POLR2M: variants seen among roughly 807,000 people sequenced by gnomAD.
POLR2M encodes RNA polymerase II subunit M.
In POLR2M, 30 loss-of-function variants were observed where a neutral mutation model predicts 34.6. That is an observed-to-expected ratio of 0.87 (90% confidence interval 0.65 to 1.18). The LOEUF is 1.18. Ranked by LOEUF, POLR2M falls within the 50% of genes most tolerant of loss-of-function variation. The probability of loss-of-function intolerance (pLI) is 0.00; values close to 1 mark genes in which losing one functional copy is unlikely to be tolerated. For missense variants in POLR2M, 432 were observed against 448.7 expected, an observed-to-expected ratio of 0.96 and a Z score of 0.34; for synonymous variants, 150 against 166.7, an observed-to-expected ratio of 0.90 and a Z score of 0.77.
intron 1 of POLR2M, 39 bp from the exon 2 acceptor site, chr15:57,708,675 A>T: frequency 6.7e-7 from 1 of 1,497,382 alleles, no homozygotes; most frequent in Non-Finnish European, 8.9e-7. Flanking sequence ...AAGTTAAAAA[A>T]ATGGCTGTAA....
Position 57,706,759 on chromosome 15 carries a change from C to G in POLR2M, c.-84C>G. 2 of 1,475,272 alleles carry G rather than the reference C, an allele frequency of 1.4e-6. No individual in the cohort carries two copies. The highest frequency in any genetic ancestry group is 1.4e-5 in the African/African-American group (1 of 71,144). 91.4% of individuals were successfully genotyped at this position (1,475,272 alleles called of 1,614,324 possible). A position where few individuals can be genotyped will look rare whatever the true frequency, so the allele number is the denominator to read the frequency against. On this transcript the variant is annotated 5_prime_UTR_variant, in exon 1 of 4. Coordinates refer to ENST00000299638, the MANE Select transcript of POLR2M (RefSeq NM_015532.5). ...ACTCCCGCTCGTGCCCCGGAGTCAC[C>G]GCCGTCCGCGGATCCGGCGCTAGTA...
chr15:57,710,531 C>G (rs1286073774), intron 2 of POLR2M, among the ~76,000 whole-genome samples: 1 of 152,200 alleles, frequency 6.6e-6, no homozygotes, highest in East Asian at 1.9e-4. Context: ...TATAGAAAAT[C>G]AGGATTATAC....
rs1425259674 is a variant in POLR2M, at chr15:57,716,598, T to C, written c.*1919T>C. On this transcript the variant is annotated 3_prime_UTR_variant, in exon 4 of 4. Transcript: ENST00000299638. ...GGGCTACATTTAAAATTTGTATTTG[T>C]TTTTCTTACTTAGTGAAGGTTGTGT... The C allele has an allele frequency of 2.0e-5, 3 of 149,630 alleles. No individual in the cohort carries two copies. In the East Asian group the frequency reaches 5.8e-4, roughly 29 times the overall value. 9.3% of individuals were successfully genotyped at this position (149,630 alleles called of 1,614,324 possible).
At position 57,714,730 on chromosome 15, in the gene POLR2M, C is replaced by T; in HGVS notation, c.*51C>T. The T allele has an allele frequency of 1.3e-6, 2 of 1,584,096 alleles. No individual in the cohort carries two copies. The highest frequency in any genetic ancestry group is 1.7e-6 in the Non-Finnish European group (2 of 1,164,410). On this transcript the variant is annotated 3_prime_UTR_variant, in exon 4 of 4. Transcript: ENST00000299638. ...TGAGATGTCATCATCTTACATCAGA[C>T]TTTCTAACTAGTATCAAGATCAGTG...
In POLR2M at chr15:57,716,622, G is replaced by T. The variant is rs1196564105; in HGVS notation, c.*1943G>T. 1 of 152,134 alleles carries T rather than the reference G, an allele frequency of 6.6e-6. No individual in the cohort carries two copies. Among genetic ancestry groups the T allele is most frequent in the Non-Finnish European group, 1.5e-5 (1 of 68,014 alleles). 9.4% of individuals were successfully genotyped at this position (152,134 alleles called of 1,614,324 possible). A position where few individuals can be genotyped will look rare whatever the true frequency, so the allele number is the denominator to read the frequency against. On this transcript the variant is annotated 3_prime_UTR_variant, in exon 4 of 4. Coordinates refer to ENST00000299638, the MANE Select transcript of POLR2M (RefSeq NM_015532.5). Reference sequence around the variant, plus strand: ...GTTTTTCTTACTTAGTGAAGGTTGTGTTTTTTTTCATATTCATTGGCCATG... The same window carrying T: ...GTTTTTCTTACTTAGTGAAGGTTGTTTTTTTTTTCATATTCATTGGCCATG...
chr15:57,714,114 T>TG (rs2040851053), intron 3 of POLR2M, among the ~76,000 whole-genome samples: 1 of 152,098 alleles, frequency 6.6e-6, no homozygotes, highest in Admixed American at 6.5e-5. Flanking sequence ...CCCAAAGTGC[T>TG]GGGATTACAG....
At position 57,717,531 on chromosome 15, in the gene POLR2M, CTT is replaced by C. The variant is rs1400077413; in HGVS notation, c.*2853_*2854del. The C allele has an allele frequency of 6.6e-6, 1 of 152,164 alleles. No homozygotes were observed. Among genetic ancestry groups the C allele is most frequent in the Non-Finnish European group, 1.5e-5 (1 of 68,036 alleles). The allele number at this position is 152,164 out of a possible 1,614,324, so 9.4% of individuals were successfully genotyped here. ...TGGTTTACATTTTGCTCACTTTTGACTTATATAAAAATAGAATAATACTATAT... is the reference window on the plus strand; with the variant it reads ...TGGTTTACATTTTGCTCACTTTTGACATATAAAAATAGAATAATACTATAT... On this transcript the variant is annotated 3_prime_UTR_variant, in exon 4 of 4. Coordinates refer to ENST00000299638, the MANE Select transcript of POLR2M (RefSeq NM_015532.5).
rs889690362 is a variant in POLR2M at position 57,709,371 on chromosome 15, G to A, written c.758+13G>A. On this transcript the variant is annotated intron_variant, in intron 2 of 3. Transcript: ENST00000299638. ...TTAAAACCAATGTGTAAGTACCCTC[G>A]GAAACAGGCCTGTAACAGGAACGTG... 5.5e-5 allele frequency: 88 copies of A among 1,601,542 alleles called. No homozygotes were observed. The highest frequency in any genetic ancestry group is 7.2e-5 in the Non-Finnish European group (85 of 1,173,594).
Position 57,714,598 on chromosome 15 carries a change from T to A in POLR2M, c.1026T>A (p.Ser342Arg). The A allele has an allele frequency of 6.2e-7, 1 of 1,613,102 alleles. No individual in the cohort carries two copies. Residue 342 changes from serine to arginine, a missense_variant, in exon 4 of 4, where the codon AGT (serine) becomes AGA (arginine). Coordinates refer to ENST00000299638, the MANE Select transcript of POLR2M (RefSeq NM_015532.5). ...AAAGACTGAATATTAAAATGCGGAG[T>A]TATAATCCAGAAGGGGAGTCTTCAG... ...LAERLNIKMR[S>R]YNPEGESSGR... is the part of the protein sequence containing the mutation.
At chr15:57,708,666 A>G in intron 1 of POLR2M, 48 bp from the exon 2 acceptor site, 1 of 1,477,152 alleles carries the variant, frequency 6.8e-7, no homozygotes, top group Non-Finnish European at 9.1e-7. Flanking sequence ...TTATATCTCA[A>G]GTTAAAAAAA....
Position 57,706,717 on chromosome 15 carries a change from C to T in POLR2M, c.-126C>T. 6.3e-6 allele frequency: 7 copies of T among 1,114,932 alleles called. No homozygotes were observed. The highest frequency in any genetic ancestry group is 8.9e-6 in the Non-Finnish European group (7 of 787,638). The allele number at this position is 1,114,932 out of a possible 1,614,324, so 69.1% of individuals were successfully genotyped here. On this transcript the variant is annotated 5_prime_UTR_variant, in exon 1 of 4. Coordinates refer to ENST00000299638, the MANE Select transcript of POLR2M (RefSeq NM_015532.5). ...GATTCGGCTCGAAGAAGACCCCGTT[C>T]TTCCGGGAAAATGGCGACTCCCGCT...
chr15:57,707,281 C>A, intron 1 of POLR2M: 1 of 829,574 alleles, frequency 1.2e-6, no homozygotes, highest in South Asian at 1.7e-5. Context: ...GTCGCCCGCA[C>A]CCCTAACCCA....
Position 57,716,580 on chromosome 15 carries a change from A to G in POLR2M, c.*1901A>G, listed in dbSNP as rs1407521808. 2 of 152,298 alleles carry G rather than the reference A, an allele frequency of 1.3e-5. No homozygotes were observed. The highest frequency in any genetic ancestry group is 2.9e-5 in the Non-Finnish European group (2 of 68,046). 9.4% of individuals were successfully genotyped at this position (152,298 alleles called of 1,614,324 possible). A position where few individuals can be genotyped will look rare whatever the true frequency, so the allele number is the denominator to read the frequency against. ...TTGAATAATTACAGAAAAGGGCTAC[A>G]TTTAAAATTTGTATTTGTTTTTCTT... On this transcript the variant is annotated 3_prime_UTR_variant, in exon 4 of 4. Coordinates refer to ENST00000299638, the MANE Select transcript of POLR2M (RefSeq NM_015532.5).
In POLR2M at chr15:57,712,050, A is replaced by C. The variant is rs758895393; in HGVS notation, c.825A>C (p.Glu275Asp). 11 of 1,614,018 alleles carry C rather than the reference A, an allele frequency of 6.8e-6. No homozygotes were observed. The highest frequency in any genetic ancestry group is 9.3e-6 in the Non-Finnish European group (11 of 1,179,994). ...CQKSGSPISS[E>D]ERRRRDKQHL... is the part of the protein sequence containing the mutation. ...AGAGTGGGTCTCCTATTTCCTCAGA[A>C]GAGCGGCGGCGCAGGGATAAGCAGC... Residue 275 changes from glutamate to aspartate, a missense_variant, in exon 3 of 4, where the codon GAA becomes GAC. By Grantham distance (45) the Glu-to-Asp change is conservative (BLOSUM62 2). Transcript: ENST00000299638.
At chr15:57,708,615 A>G (rs2040584790) in intron 1 of POLR2M, 99 bp from the exon 2 acceptor site, 41 of 1,139,720 alleles carry the variant, frequency 3.6e-5, no homozygotes, top group Non-Finnish European at 5.0e-5. Flanking sequence ...CTTAAAAATC[A>G]GCTTTTCTTT....
At chr15:57,710,959 G>T (rs1338249036) in intron 2 of POLR2M, among the ~76,000 whole-genome samples, 1 of 152,104 alleles carries the variant, frequency 6.6e-6, no homozygotes, top group African/African-American at 2.4e-5. Context: ...CTGGATGCTG[G>T]AGGCTGACCC....
chr15:57,706,776 G>A lies in POLR2M; in HGVS notation c.-67G>A. The A allele has an allele frequency of 6.6e-7, 1 of 1,518,178 alleles. No individual in the cohort carries two copies. Among genetic ancestry groups the A allele is most frequent in the Non-Finnish European group, 8.9e-7 (1 of 1,124,244 alleles). 94.0% of individuals were successfully genotyped at this position (1,518,178 alleles called of 1,614,324 possible). ...GGAGTCACCGCCGTCCGCGGATCCG[G>A]CGCTAGTAGCGGGGCCTGCCGAGGA... On this transcript the variant is annotated 5_prime_UTR_variant, in exon 1 of 4. Transcript: ENST00000299638.
Position 57,714,820 on chromosome 15 carries a change from T to G in POLR2M, c.*141T>G, listed in dbSNP as rs1183178175. ...AAAGGTAGTTATAAAAAAAGCCCAG[T>G]TTGTCTTTCAGAAGGTGACTTTCAT... is the stretch of plus-strand genomic sequence containing the variant. On this transcript the variant is annotated 3_prime_UTR_variant, in exon 4 of 4. Coordinates refer to ENST00000299638, the MANE Select transcript of POLR2M (RefSeq NM_015532.5). 4 of 1,383,694 alleles carry G rather than the reference T, an allele frequency of 2.9e-6. No homozygotes were observed. The highest frequency in any genetic ancestry group is 3.9e-6 in the Non-Finnish European group (4 of 1,030,780). The allele number at this position is 1,383,694 out of a possible 1,614,324, so 85.7% of individuals were successfully genotyped here.
Position 57,708,807 on chromosome 15 carries a change from A to G in POLR2M, c.207A>G (p.Arg69=). Residue 69 remains arginine (R), a synonymous_variant, in exon 2 of 4, where the codon AGA becomes AGG. Transcript: ENST00000299638. ...KAAIAECEEV[R]RKSELFNPVS... ...CCATTGCAGAATGTGAAGAAGTTAG[A>G]AGAAAAAGTGAACTGTTTAACCCTG... 2 of 1,613,698 alleles carry G rather than the reference A, an allele frequency of 1.2e-6. No individual in the cohort carries two copies. The highest frequency in any genetic ancestry group is 2.2e-5 in the South Asian group (2 of 90,914).
Sources: allele counts gnomAD v4.1 joint callset (sites outside exome capture counted in the v4.1 genomes callset), GRCh38; gene constraint gnomAD v4.1.1; transcripts MANE v1.5; gene names NCBI Gene and HGNC (gene_info 2026-07-23, HGNC 2026-07-21).